C12orf42: variants seen among roughly 807,000 people sequenced by gnomAD.
C12orf42 encodes uncharacterized protein C12orf42.
In C12orf42, 25 loss-of-function variants were observed where a neutral mutation model predicts 21.6. That is an observed-to-expected ratio of 1.16 (90% CI 0.84 to 1.62). The LOEUF (loss-of-function observed/expected upper bound fraction) is 1.62, where lower values mean the gene tolerates loss of function less well. Among genes scored for constraint, C12orf42 ranks in the 40% most tolerant of loss-of-function variants. The pLI is 0.00. For synonymous variants in C12orf42, 174 were observed against 175.0 expected, an observed-to-expected ratio of 0.99 and a Z score of 0.05; for missense variants, 483 against 459.3, an observed-to-expected ratio of 1.05 and a Z score of -0.47.
chr12:103,368,761 T>G (rs1379799074), intron 4 of C12orf42, 126 bp downstream of exon 4: 1 of 555,074 alleles, frequency 1.8e-6, no homozygotes, highest in East Asian at 3.0e-5. Context: ...ATGAATTTCC[T>G]CTTTTGTTGC....
At chr12:103,239,099 G>C (rs572181884) in intron 10 of C12orf42, among the ~76,000 whole-genome samples, 8 of 152,258 alleles carry the variant, frequency 5.3e-5, no homozygotes, top group African/African-American at 1.9e-4. Context: ...GGGAGTTTTT[G>C]TAAGGCTACA....
At chr12:103,291,490 C>T (rs11613843) in intron 4 of C12orf42, among the ~76,000 whole-genome samples, 16,897 of 152,194 alleles carry the variant, frequency 0.11, 1,044 homozygotes, top group African/African-American at 0.17. Flanking sequence ...AAAATGACTG[C>T]TCCACAGACA....
At chr12:103,369,335 A>T (rs2044964696) in intron 3 of C12orf42, among the ~76,000 whole-genome samples, 1 of 148,736 alleles carries the variant, frequency 6.7e-6, no homozygotes, top group Non-Finnish European at 1.5e-5. Flanking sequence ...TTGACATATT[A>T]GTGGAGAGTG....
chr12:103,435,341 T>C (rs1473123393), intron 2 of C12orf42, among the ~76,000 whole-genome samples: 4 of 151,986 alleles, frequency 2.6e-5, no homozygotes, highest in South Asian at 2.1e-4. Flanking sequence ...AAACGCAGAG[T>C]GCCTCTCCTC....
At chr12:103,191,543 CAAAAAAAAAAAAAAAAAAAA>C in the C12orf42 span, among the ~76,000 whole-genome samples, 5 of 58,104 alleles carry the variant, frequency 8.6e-5, no homozygotes, top group African/African-American at 3.0e-4. Flanking sequence ...CTCCACTCTA[CAAAAAAAAAAAAAAAAAAAA>C]AAAAAAAAAA....
the C12orf42 span, among the ~76,000 whole-genome samples, chr12:103,049,233 C>T: frequency 2.0e-5 from 3 of 152,302 alleles, no homozygotes; most frequent in Admixed American, 6.5e-5. Flanking sequence ...TCCAAATCCG[C>T]TCCTCTCATG....
the C12orf42 span, among the ~76,000 whole-genome samples, chr12:103,196,828 T>G: frequency 1.3e-5 from 2 of 152,146 alleles, 1 homozygote; most frequent in South Asian, 4.1e-4. Context: ...TGAGAGGGTC[T>G]CATGAAGATA....
chr12:103,296,789 T>C (rs2037318504), intron 4 of C12orf42, among the ~76,000 whole-genome samples: 2 of 152,152 alleles, frequency 1.3e-5, no homozygotes, highest in Admixed American at 1.3e-4. Context: ...TTGCAAAAAA[T>C]TTTATCCCAT....
chr12:103,321,953 C>T (rs927339909), intron 4 of C12orf42, among the ~76,000 whole-genome samples: 23 of 151,932 alleles, frequency 1.5e-4, no homozygotes, highest in African/African-American at 5.3e-4. Context: ...CAGCGTGGCA[C>T]ATGTATACAT....
chr12:103,157,265 T>C, the C12orf42 span, among the ~76,000 whole-genome samples: 1 of 152,234 alleles, frequency 6.6e-6, no homozygotes, highest in Non-Finnish European at 1.5e-5. Context: ...GTCACATAAA[T>C]GTCTTCATTT....
chr12:103,109,927 C>CA, the C12orf42 span, among the ~76,000 whole-genome samples: 19 of 152,134 alleles, frequency 1.2e-4, no homozygotes, highest in African/African-American at 4.6e-4. Context: ...GTCAAAATAT[C>CA]AAAAAACGTC....
chr12:103,412,577 G>A (rs2048943101), intron 2 of C12orf42, among the ~76,000 whole-genome samples: 1 of 152,174 alleles, frequency 6.6e-6, no homozygotes, highest in Non-Finnish European at 1.5e-5. Flanking sequence ...GCTGAGGCAG[G>A]AGAATCACTT....
At chr12:103,472,754 T>C (rs1254894081) in intron 2 of C12orf42, among the ~76,000 whole-genome samples, 1 of 151,892 alleles carries the variant, frequency 6.6e-6, no homozygotes, top group African/African-American at 2.4e-5. Context: ...ACCACAATGA[T>C]AAAGGAACAG....
intron 2 of C12orf42, among the ~76,000 whole-genome samples, chr12:103,417,915 C>T (rs1315455067): frequency 6.6e-6 from 1 of 152,126 alleles, no homozygotes; most frequent in Non-Finnish European, 1.5e-5. Flanking sequence ...GTAACAGAAA[C>T]CAGATTTTAC....
chr12:103,506,861 TATATATATATTTATATATTATATATTAA>T, the C12orf42 span, among the ~76,000 whole-genome samples: 1 of 75,018 alleles, frequency 1.3e-5, no homozygotes, highest in Non-Finnish European at 2.2e-5. Context: ...TTATATATTA[TATATATATATTTATATATTATATATTAA>T]ATATATATTT....
intron 5 of C12orf42, among the ~76,000 whole-genome samples, chr12:103,273,170 T>C (rs1035969946): frequency 2.0e-5 from 3 of 152,182 alleles, no homozygotes; most frequent in African/African-American, 7.2e-5. Context: ...ATCTGGGAGC[T>C]AGAATCCATA....
chr12:103,364,057 T>C (rs1349461312), intron 4 of C12orf42, among the ~76,000 whole-genome samples: 1 of 152,036 alleles, frequency 6.6e-6, no homozygotes, highest in Non-Finnish European at 1.5e-5. Flanking sequence ...CATTCATCAG[T>C]GCATGGAACT....
At chr12:103,128,138 C>A in the C12orf42 span, among the ~76,000 whole-genome samples, 2 of 152,132 alleles carry the variant, frequency 1.3e-5, no homozygotes, top group Non-Finnish European at 2.9e-5. Context: ...AATTCAGGAA[C>A]CACCAACAAT....
At chr12:103,217,518 G>A in the C12orf42 span, among the ~76,000 whole-genome samples, 7 of 143,538 alleles carry the variant, frequency 4.9e-5, no homozygotes, top group African/African-American at 1.9e-4. Context: ...GTGACAGAGT[G>A]AGACCCTGTC....
Sources: allele counts gnomAD v4.1 joint callset (sites outside exome capture counted in the v4.1 genomes callset), GRCh38; gene constraint gnomAD v4.1.1; transcripts MANE v1.5; gene names NCBI Gene and HGNC (gene_info 2026-07-23, HGNC 2026-07-21).